PLCG2: variants seen among roughly 807,000 people sequenced by gnomAD.
PLCG2 encodes 1-phosphatidylinositol 4,5-bisphosphate phosphodiesterase gamma-2.
In PLCG2, 69 loss-of-function variants were observed where a neutral mutation model predicts 175.6. That is an observed-to-expected ratio of 0.39 (90% CI 0.32 to 0.48). The LOEUF is 0.48. Ranked by LOEUF, PLCG2 falls within the 20% of genes least tolerant of loss-of-function variation. The pLI is 0.91. For missense variants in PLCG2, 1,798 were observed against 1,650.9 expected (o/e 1.09, Z -1.54); for synonymous variants, 827 against 624.0 (o/e 1.33, Z -4.85).
At chr16:81,830,551 A>G (rs1409918492) in intron 2 of PLCG2, among the ~76,000 whole-genome samples, 1 of 152,000 alleles carries the variant, frequency 6.6e-6, no homozygotes, top group Non-Finnish European at 1.5e-5. Context: ...CAAGTGATCC[A>G]TAGGCCTCAG....
chr16:81,816,486 T>TG (rs1904553293), intron 2 of PLCG2, among the ~76,000 whole-genome samples: 1 of 150,336 alleles, frequency 6.7e-6, no homozygotes, highest in African/African-American at 2.5e-5. Context: ...CATTATAATT[T>TG]TTTTTTTTTG....
At chr16:81,858,459 TG>T (rs1906799252) in intron 4 of PLCG2, 103 bp downstream of exon 4, 2 of 830,820 alleles carry the variant, frequency 2.4e-6, no homozygotes, top group East Asian at 2.5e-5. Context: ...AAAGGGACAT[TG>T]GTTTTTTGAG....
At chr16:81,765,231 G>C (rs966376746) in intron 2 of PLCG2, among the ~76,000 whole-genome samples, 6 of 152,370 alleles carry the variant, frequency 3.9e-5, no homozygotes, top group African/African-American at 1.2e-4. Flanking sequence ...CTGAGGCAGA[G>C]GATGGGGAGA....
intron 2 of PLCG2, among the ~76,000 whole-genome samples, chr16:81,830,676 A>C (rs1905224730): frequency 6.6e-6 from 1 of 151,752 alleles, no homozygotes; most frequent in Admixed American, 6.6e-5. Context: ...GTATATATAT[A>C]TATACACACA....
chr16:81,817,694 C>G (rs532840252), intron 2 of PLCG2, among the ~76,000 whole-genome samples: 4 of 152,294 alleles, frequency 2.6e-5, no homozygotes, highest in Admixed American at 1.3e-4. Flanking sequence ...CTGTGTTGCC[C>G]AGGCTGGTCT....
At chr16:81,847,121 C>T (rs12933012) in intron 2 of PLCG2, among the ~76,000 whole-genome samples, 2 of 152,214 alleles carry the variant, frequency 1.3e-5, no homozygotes, top group Admixed American at 6.5e-5. Context: ...ATAACCCACT[C>T]CTTGGATTTG....
intron 2 of PLCG2, among the ~76,000 whole-genome samples, chr16:81,771,966 A>G (rs1256701750): frequency 6.6e-6 from 1 of 152,052 alleles, no homozygotes; most frequent in Non-Finnish European, 1.5e-5. Context: ...TATTTTTAGT[A>G]GAGACGGGGT....
intron 3 of PLCG2, among the ~76,000 whole-genome samples, chr16:81,855,018 T>C (rs1225972037): frequency 6.6e-6 from 1 of 151,952 alleles, no homozygotes; most frequent in Non-Finnish European, 1.5e-5. Flanking sequence ...GAGACCAGCA[T>C]GGCCAACATG....
At chr16:81,778,176 G>C (rs1426084643), upstream of PLCG2, among the ~76,000 whole-genome samples, 1 of 152,092 alleles carries the variant, frequency 6.6e-6, no homozygotes, top group Non-Finnish European at 1.5e-5. Flanking sequence ...AGGAGTTCAA[G>C]AACAGCCTGG....
At position 81,893,853 on chromosome 16, in the gene PLCG2, G is replaced by T. The variant is rs945743545; in HGVS notation, c.1072+59G>T. 3.9e-6 allele frequency: 4 copies of T among 1,028,278 alleles called. No individual in the cohort carries two copies. In the African/African-American group the frequency reaches 6.4e-5, roughly 16 times the overall value. The allele number at this position is 1,028,278 out of a possible 1,614,324, so 63.7% of individuals were successfully genotyped here. A position where few individuals can be genotyped will look rare whatever the true frequency, so the allele number is the denominator to read the frequency against. ...GCAGCAAATTGAGGATAACCATGTG[G>T]TTGCTCCATGTTTTCTTTCGAATTG... is the stretch of plus-strand genomic sequence containing the variant. On this transcript the variant is annotated intron_variant, in intron 12 of 32. Transcript: ENST00000564138.
intron 5 of PLCG2, among the ~76,000 whole-genome samples, chr16:81,861,610 G>A (rs4889416): frequency 6.6e-6 from 1 of 152,066 alleles, no homozygotes; most frequent in Non-Finnish European, 1.5e-5. Context: ...CAAATGAGGT[G>A]CTTGTGTTGG....
intron 2 of PLCG2, among the ~76,000 whole-genome samples, chr16:81,835,083 G>A (rs1024670838): frequency 1.3e-5 from 2 of 152,070 alleles, no homozygotes; most frequent in Admixed American, 6.6e-5. Context: ...CCTTCCAGGT[G>A]CCACTTACTT....
chr16:81,810,978 C>T lies in PLCG2; in HGVS notation c.193+24796C>T, dbSNP rs988700862. Among the ~76,000 whole-genome samples, 7 of 152,314 alleles carry T rather than the reference C, an allele frequency of 4.6e-5. No individual in the cohort carries two copies. The East Asian group carries it at 5.8e-4, about 13-fold the overall frequency. On this transcript the variant is annotated intron_variant, in intron 2 of 32. Transcript: ENST00000564138. ...TGAGAAGCAGCCCAGGGAACAGCAG[C>T]GAAACTGATCTAACAGTGGCCTTCC... is the stretch of plus-strand genomic sequence containing the variant.
At position 81,816,653 on chromosome 16, in the gene PLCG2, T is replaced by C. The variant is rs921079388; in HGVS notation, c.193+30471T>C. Among the ~76,000 whole-genome samples the C allele has an allele frequency of 2.9e-4, 19 of 65,234 alleles. 3 individuals are homozygous for C. Among genetic ancestry groups the C allele is most frequent in the African/African-American group, 9.5e-4 (18 of 18,994 alleles). The allele number at this position is 65,234 out of a possible 152,430, so 42.8% of individuals were successfully genotyped here. On this transcript the variant is annotated intron_variant, in intron 2 of 32. Coordinates refer to ENST00000564138, the MANE Select transcript of PLCG2 (RefSeq NM_002661.5). The stretch of plus-strand genomic sequence containing the variant: ...ACCACCATGCCCAGCTAATTTTAAT[T>C]TTTTTTTTTTTTTTTTTTTTTTTTT...
intron 11 of PLCG2, among the ~76,000 whole-genome samples, chr16:81,893,114 C>T (rs1309848983): frequency 6.6e-6 from 1 of 152,190 alleles, no homozygotes; most frequent in Non-Finnish European, 1.5e-5. Context: ...CCGCCTCAGC[C>T]TGCCAAAGTG....
At chr16:81,806,095 GT>G (rs1912009791) in intron 2 of PLCG2, among the ~76,000 whole-genome samples, 1 of 151,520 alleles carries the variant, frequency 6.6e-6, no homozygotes, top group South Asian at 2.1e-4. Context: ...TTTGATTCTG[GT>G]TTTTGGTCTG....
At chr16:81,821,386 A>G (rs1015246090) in intron 2 of PLCG2, among the ~76,000 whole-genome samples, 1 of 152,216 alleles carries the variant, frequency 6.6e-6, no homozygotes. Flanking sequence ...GGGGCTCTTG[A>G]ATAATATGAG....
chr16:81,872,959 G>A (rs145772846), intron 7 of PLCG2, among the ~76,000 whole-genome samples: 184 of 152,378 alleles, frequency 1.2e-3, no homozygotes, highest in African/African-American at 4.3e-3. Flanking sequence ...ACCACTGGCC[G>A]TGGGACTTTG....
At chr16:81,885,964 A>C (rs968377225) in intron 9 of PLCG2, among the ~76,000 whole-genome samples, 1 of 152,208 alleles carries the variant, frequency 6.6e-6, no homozygotes, top group Non-Finnish European at 1.5e-5. Context: ...GAAGGTAATA[A>C]GTTAATTTTA....
Sources: gnomAD v4.1 joint callset for allele counts (sites outside exome capture counted in the v4.1 genomes callset) on GRCh38, gnomAD v4.1.1 for gene constraint, MANE v1.5 for transcripts, NCBI Gene and HGNC (gene_info 2026-07-23, HGNC 2026-07-21) for gene names.